UTS2B: variants seen among roughly 807,000 people sequenced by gnomAD.
UTS2B encodes the protein urotensin-2B.
UTS2B carries 21 observed loss-of-function variants against 19.2 expected under a neutral mutation model. That is an observed-to-expected ratio of 1.09 (90% CI 0.78 to 1.58). The LOEUF is 1.58. Among genes scored for constraint, UTS2B ranks in the 40% most tolerant of loss-of-function variants. The pLI, the probability that UTS2B is intolerant of heterozygous loss-of-function variation, is 0.00. For missense variants in UTS2B, 138 were observed against 130.3 expected (o/e 1.06, Z -0.29); for synonymous variants, 57 against 50.2 (o/e 1.14, Z -0.58).
chr3:191,315,625 G>A (rs533585489), intron 3 of UTS2B, among the ~76,000 whole-genome samples: 5 of 152,318 alleles, frequency 3.3e-5, no homozygotes, highest in East Asian at 1.9e-4. Flanking sequence ...GTGTGAGGGC[G>A]GAGGAAAAAC....
chr3:191,329,808 C>T, intron 1 of UTS2B: 1 of 1,433,610 alleles, frequency 7.0e-7, no homozygotes, highest in Non-Finnish European at 9.6e-7. Context: ...GCCATTTCGG[C>T]TCCCGCGGCC....
At chr3:191,314,210 A>G (rs139103464) in intron 3 of UTS2B, among the ~76,000 whole-genome samples, 1,672 of 152,264 alleles carry the variant, frequency 0.011, 19 homozygotes, top group Non-Finnish European at 0.018. Flanking sequence ...TACTCTGTAG[A>G]TGCTACTTTC....
intron 8 of UTS2B, among the ~76,000 whole-genome samples, chr3:191,274,310 A>T (rs1716171628): frequency 6.6e-6 from 1 of 152,232 alleles, no homozygotes; most frequent in East Asian, 1.9e-4. Flanking sequence ...TTGTAGTAAT[A>T]ATGATCAAAA....
intron 4 of UTS2B, among the ~76,000 whole-genome samples, chr3:191,288,666 G>GT (rs913137527): frequency 1.9e-5 from 2 of 104,438 alleles, no homozygotes; most frequent in African/African-American, 5.4e-5. Flanking sequence ...TAAATCTACT[G>GT]TAAAAAAAAA....
At chr3:191,273,308 T>C (rs909665997) in intron 8 of UTS2B, 1 of 354,524 alleles carries the variant, frequency 2.8e-6, no homozygotes, top group African/African-American at 2.1e-5. Flanking sequence ...GTCTATGTTT[T>C]TAAGAAGAGA....
At chr3:191,317,296 G>T (rs1338653497) in intron 2 of UTS2B, among the ~76,000 whole-genome samples, 1 of 152,136 alleles carries the variant, frequency 6.6e-6, no homozygotes, top group Non-Finnish European at 1.5e-5. Flanking sequence ...CTCTGAGTGC[G>T]GGGGGGCCTC....
intron 2 of UTS2B, among the ~76,000 whole-genome samples, chr3:191,323,237 A>G (rs1392623779): frequency 3.9e-5 from 6 of 152,040 alleles, no homozygotes; most frequent in Admixed American, 1.3e-4. Flanking sequence ...TGCCCAGGCT[A>G]GAGATCTGGG....
the UTS2B span, among the ~76,000 whole-genome samples, chr3:191,342,446 T>C: frequency 6.6e-6 from 1 of 152,112 alleles, no homozygotes; most frequent in Non-Finnish European, 1.5e-5. Flanking sequence ...AATGGAAATA[T>C]CTGACTCAAA....
At chr3:191,301,580 G>A (rs1216532899) in intron 4 of UTS2B, among the ~76,000 whole-genome samples, 2 of 145,962 alleles carry the variant, frequency 1.4e-5, no homozygotes, top group African/African-American at 5.1e-5. Flanking sequence ...TCCGCCGCCT[G>A]GGTTCACACC....
At chr3:191,319,584 G>C (rs1717557724) in intron 2 of UTS2B, among the ~76,000 whole-genome samples, 1 of 151,754 alleles carries the variant, frequency 6.6e-6, no homozygotes, top group African/African-American at 2.4e-5. Context: ...TTTTGGCTGG[G>C]CATGGTGACT....
intron 1 of UTS2B, chr3:191,329,527 G>T (rs1463228852): frequency 2.4e-5 from 16 of 660,948 alleles, no homozygotes; most frequent in Non-Finnish European, 3.8e-5. Flanking sequence ...GCCCCTGCCC[G>T]CCCGACCCGC....
intron 3 of UTS2B, among the ~76,000 whole-genome samples, chr3:191,308,346 C>T (rs529665329): frequency 6.6e-6 from 1 of 152,094 alleles, no homozygotes; most frequent in Admixed American, 6.6e-5. Flanking sequence ...TTCTCTTGTA[C>T]GGGAGCCACA....
chr3:191,305,063 T>A (rs1717101373), intron 3 of UTS2B, among the ~76,000 whole-genome samples: 2 of 152,224 alleles, frequency 1.3e-5, no homozygotes, highest in Non-Finnish European at 2.9e-5. Context: ...TTATCCAGTC[T>A]ATTATTGATG....
At chr3:191,280,653 C>A (rs1442386543) in intron 5 of UTS2B, among the ~76,000 whole-genome samples, 1 of 152,060 alleles carries the variant, frequency 6.6e-6, no homozygotes, top group Non-Finnish European at 1.5e-5. Context: ...ATATGTATAT[C>A]ACTGTGTGGC....
At chr3:191,289,807 G>A (rs977669430) in intron 4 of UTS2B, among the ~76,000 whole-genome samples, 1 of 152,182 alleles carries the variant, frequency 6.6e-6, no homozygotes, top group Admixed American at 6.5e-5. Context: ...AAGGGAGAAT[G>A]TGTAAGAGAT....
chr3:191,275,131 G>A (rs1716194815), intron 8 of UTS2B, 121 bp downstream of exon 8: 1 of 659,244 alleles, frequency 1.5e-6, no homozygotes, highest in African/African-American at 1.8e-5. Flanking sequence ...TTTAATATGA[G>A]CCTTTATATT....
At chr3:191,320,390 G>T (rs184011671) in intron 2 of UTS2B, among the ~76,000 whole-genome samples, 1 of 152,336 alleles carries the variant, frequency 6.6e-6, no homozygotes, top group African/African-American at 2.4e-5. Flanking sequence ...ACAGGGCAGT[G>T]AGAAGGGAAT....
intron 4 of UTS2B, among the ~76,000 whole-genome samples, chr3:191,289,513 C>T (rs1716656488): frequency 6.6e-6 from 1 of 151,818 alleles, no homozygotes; most frequent in Non-Finnish European, 1.5e-5. Flanking sequence ...TTCCCAATGG[C>T]CGTGATATTG....
At chr3:191,322,701 T>C (rs1358062449) in intron 2 of UTS2B, among the ~76,000 whole-genome samples, 1 of 152,168 alleles carries the variant, frequency 6.6e-6, no homozygotes, top group African/African-American at 2.4e-5. Flanking sequence ...AAAATAATGA[T>C]GCAGTAGAGA....
Sources: gnomAD v4.1 joint callset for allele counts (sites outside exome capture counted in the v4.1 genomes callset) on GRCh38, gnomAD v4.1.1 for gene constraint, MANE v1.5 for transcripts, NCBI Gene and HGNC (gene_info 2026-07-23, HGNC 2026-07-21) for gene names.